SUCLG2: variants seen among roughly 807,000 people sequenced by gnomAD.
SUCLG2 encodes the protein succinate-CoA ligase GDP-forming subunit beta, also known as succinate--CoA ligase [GDP-forming] subunit beta, mitochondrial.
A neutral mutation model predicts 47.9 loss-of-function variants in SUCLG2; 42 were observed. The observed-to-expected ratio is 0.88, with a 90% confidence interval of 0.69 to 1.14. The LOEUF (loss-of-function observed/expected upper bound fraction) is 1.14. SUCLG2 is among the 50% of genes most tolerant of loss of function. SUCLG2 has a pLI of 0.00. For synonymous variants in SUCLG2, 195 were observed against 197.3 expected (o/e 0.99, Z 0.10); for missense variants, 571 against 525.9 (o/e 1.09, Z -0.84).
chr3:67,569,938 T>C (rs1330208889), intron 2 of SUCLG2, among the ~76,000 whole-genome samples: 2 of 152,160 alleles, frequency 1.3e-5, no homozygotes, highest in Admixed American at 6.5e-5. Context: ...AATTCACGTA[T>C]TGAATTCTCA....
At chr3:67,524,699 G>A (rs987708256) in intron 4 of SUCLG2, among the ~76,000 whole-genome samples, 9 of 152,088 alleles carry the variant, frequency 5.9e-5, no homozygotes, top group Admixed American at 2.6e-4. Context: ...TATTCTTCCC[G>A]CTAAGTACAA....
intron 7 of SUCLG2, among the ~76,000 whole-genome samples, chr3:67,504,093 A>G (rs908120516): frequency 2.6e-5 from 4 of 152,352 alleles, no homozygotes; most frequent in South Asian, 4.1e-4. Context: ...ATAAATAACC[A>G]TAATGTACTA....
chr3:67,498,498 T>TAAAGAA (rs1049862872), intron 7 of SUCLG2, among the ~76,000 whole-genome samples: 1 of 152,186 alleles, frequency 6.6e-6, no homozygotes, highest in African/African-American at 2.4e-5. Flanking sequence ...TACGTTCTAG[T>TAAAGAA]AAAGAACATA....
At chr3:67,530,646 A>G (rs1706378427) in intron 2 of SUCLG2, among the ~76,000 whole-genome samples, 1 of 152,234 alleles carries the variant, frequency 6.6e-6, no homozygotes, top group Non-Finnish European at 1.5e-5. Context: ...CACTGCCTTC[A>G]TTGGTTAGTC....
At chr3:67,484,626 G>C (rs1705004653) in intron 9 of SUCLG2, among the ~76,000 whole-genome samples, 1 of 152,150 alleles carries the variant, frequency 6.6e-6, no homozygotes, top group South Asian at 2.1e-4. Context: ...TGTGGGGATG[G>C]GGAAGGGGGC....
chr3:67,400,387 G>C (rs184758631), intron 10 of SUCLG2, among the ~76,000 whole-genome samples: 30 of 152,020 alleles, frequency 2.0e-4, no homozygotes, highest in Admixed American at 1.4e-3. Flanking sequence ...AAAAACCAAA[G>C]CTTTTTGGGA....
chr3:67,440,444 C>A (rs1161569278), intron 9 of SUCLG2, among the ~76,000 whole-genome samples: 1 of 152,076 alleles, frequency 6.6e-6, no homozygotes, highest in African/African-American at 2.4e-5. Context: ...AGTGAACAGG[C>A]AACCTACAGA....
chr3:67,456,832 A>G (rs1326690627), intron 9 of SUCLG2, among the ~76,000 whole-genome samples: 1 of 152,230 alleles, frequency 6.6e-6, no homozygotes, highest in East Asian at 1.9e-4. Flanking sequence ...TATTTGCCAG[A>G]GAGAAAAACA....
At chr3:67,607,925 A>G (rs974339812) in intron 2 of SUCLG2, among the ~76,000 whole-genome samples, 1 of 152,180 alleles carries the variant, frequency 6.6e-6, no homozygotes, top group Non-Finnish European at 1.5e-5. Flanking sequence ...CGGAACTGTG[A>G]GTCCACTAAA....
intron 9 of SUCLG2, among the ~76,000 whole-genome samples, chr3:67,410,368 A>G (rs1702907926): frequency 6.6e-6 from 1 of 152,192 alleles, no homozygotes; most frequent in South Asian, 2.1e-4. Flanking sequence ...TCAGGTATTA[A>G]CAGGATTTTC....
At chr3:67,406,386 G>C (rs886264505) in intron 9 of SUCLG2, among the ~76,000 whole-genome samples, 2 of 152,084 alleles carry the variant, frequency 1.3e-5, no homozygotes, top group East Asian at 1.9e-4. Context: ...TGCAAACCAC[G>C]ATAATAGTTA....
chr3:67,480,213 T>C (rs998342027), intron 9 of SUCLG2, among the ~76,000 whole-genome samples: 5 of 152,136 alleles, frequency 3.3e-5, no homozygotes, highest in African/African-American at 1.2e-4. Context: ...TCAACTCTAA[T>C]TTAAGGGGTT....
chr3:67,498,315 A>G lies in SUCLG2; in HGVS notation c.758-20T>C. 6.2e-7 allele frequency: 1 copy of G among 1,611,266 alleles called. No homozygotes were observed. The highest frequency in any genetic ancestry group is 8.5e-7 in the Non-Finnish European group (1 of 1,178,342). On this transcript the variant is annotated intron_variant, in intron 7 of 10. Coordinates refer to ENST00000307227, the MANE Select transcript of SUCLG2 (RefSeq NM_003848.4). ...AGACAACTAAATAAAGAAGAAAACA[A>G]TCATACTTGAATATCTCTTGAGGAT... is the stretch of plus-strand genomic sequence containing the variant.
chr3:67,389,097 C>T (rs921281459), intron 10 of SUCLG2, among the ~76,000 whole-genome samples: 2 of 151,912 alleles, frequency 1.3e-5, no homozygotes, highest in Admixed American at 1.3e-4. Context: ...GAGTAGGTAC[C>T]GAGTCAATGA....
At chr3:67,577,339 GAAGTTAC>G (rs1707768652) in intron 2 of SUCLG2, among the ~76,000 whole-genome samples, 1 of 151,930 alleles carries the variant, frequency 6.6e-6, no homozygotes, top group African/African-American at 2.4e-5. Context: ...TGCTTATACT[GAAGTTAC>G]AAATAAGATA....
chr3:67,538,700 G>A (rs1253458455), intron 2 of SUCLG2, among the ~76,000 whole-genome samples: 1 of 152,182 alleles, frequency 6.6e-6, no homozygotes, highest in Admixed American at 6.5e-5. Flanking sequence ...AGCATGGAAT[G>A]TTTTTCCATT....
chr3:67,495,326 G>A (rs1048427355), intron 9 of SUCLG2, among the ~76,000 whole-genome samples: 1 of 152,070 alleles, frequency 6.6e-6, no homozygotes, highest in Admixed American at 6.6e-5. Context: ...TACCCAAAAC[G>A]AGTTAAATCA....
Position 67,529,163 on chromosome 3 carries a change from C to T in SUCLG2, c.250G>A (p.Ala84Thr). The T allele has an allele frequency of 6.2e-7, 1 of 1,611,252 alleles. No individual in the cohort carries two copies. Among genetic ancestry groups the T allele is most frequent in the Non-Finnish European group, 8.5e-7 (1 of 1,179,272 alleles). Residue 84 changes from alanine (A) to threonine (T), a missense_variant, in exon 3 of 11, where the codon GCC becomes ACC. Physicochemically the swap from Ala to Thr is moderately conservative, Grantham distance 58. Coordinates refer to ENST00000307227, the MANE Select transcript of SUCLG2 (RefSeq NM_003848.4). ...RLNAKEIVLK[A>T]QILAGGRGKG... The stretch of plus-strand genomic sequence containing the variant: ...CCTCTTCCTCCAGCTAAGATCTGGG[C>T]TTTTAAAACAATTTCTTTTGCATCT...
At chr3:67,457,077 G>T (rs1704205211) in intron 9 of SUCLG2, among the ~76,000 whole-genome samples, 1 of 152,102 alleles carries the variant, frequency 6.6e-6, no homozygotes, top group African/African-American at 2.4e-5. Context: ...GACATGGAAG[G>T]CTCATCACAA....
Sources: allele counts gnomAD v4.1 joint callset (sites outside exome capture counted in the v4.1 genomes callset), GRCh38; gene constraint gnomAD v4.1.1; transcripts MANE v1.5; gene names NCBI Gene and HGNC (gene_info 2026-07-23, HGNC 2026-07-21).